HEMK2: variants seen among roughly 807,000 people sequenced by gnomAD.
HEMK2 encodes methyltransferase HEMK2.
At chr21:28,793,576 G>A in the HEMK2 span, among the ~76,000 whole-genome samples, 1 of 152,186 alleles carries the variant, frequency 6.6e-6, no homozygotes, top group Admixed American at 6.5e-5. Context: ...AATGACTAAT[G>A]ATAAAACCTT....
At chr21:28,798,506 GT>G in the HEMK2 span, among the ~76,000 whole-genome samples, 529 of 149,230 alleles carry the variant, frequency 3.5e-3, 5 homozygotes, top group African/African-American at 0.011. Context: ...AAGTAAGCCT[GT>G]TTTTTTTTTA....
the HEMK2 span, among the ~76,000 whole-genome samples, chr21:28,618,581 CTG>C: frequency 6.6e-6 from 1 of 152,274 alleles, no homozygotes; most frequent in African/African-American, 2.4e-5. Context: ...CCTCATTTAA[CTG>C]TATATTTTGG....
the HEMK2 span, among the ~76,000 whole-genome samples, chr21:28,632,045 G>A: frequency 6.6e-6 from 1 of 152,138 alleles, no homozygotes; most frequent in African/African-American, 2.4e-5. Context: ...CTACAAACCA[G>A]GACTAGTCAG....
the HEMK2 span, among the ~76,000 whole-genome samples, chr21:28,867,570 GA>G: frequency 6.6e-6 from 1 of 152,142 alleles, no homozygotes; most frequent in African/African-American, 2.4e-5. Flanking sequence ...ACTGTTGGCA[GA>G]AAAAAACAAG....
chr21:28,575,701 A>G, the HEMK2 span, among the ~76,000 whole-genome samples: 1 of 152,190 alleles, frequency 6.6e-6, no homozygotes, highest in East Asian at 1.9e-4. Flanking sequence ...ATATCCCCAC[A>G]TAACTACCAC....
the HEMK2 span, among the ~76,000 whole-genome samples, chr21:28,648,042 A>ACTGAATTTATT: frequency 2.1e-4 from 32 of 152,232 alleles, no homozygotes; most frequent in Non-Finnish European, 1.2e-4. Context: ...ACTAGTCAGA[A>ACTGAATTTATT]CTGAATTTAT....
chr21:28,767,984 T>G, the HEMK2 span, among the ~76,000 whole-genome samples: 1 of 151,930 alleles, frequency 6.6e-6, no homozygotes, highest in African/African-American at 2.4e-5. Context: ...CCAACGTGAT[T>G]GTTAGTTATT....
chr21:28,818,032 G>A, the HEMK2 span, among the ~76,000 whole-genome samples: 1 of 152,176 alleles, frequency 6.6e-6, no homozygotes, highest in Non-Finnish European at 1.5e-5. Flanking sequence ...AGCATGCAAA[G>A]TATTGTTCCT....
chr21:28,796,296 C>T, the HEMK2 span, among the ~76,000 whole-genome samples: 2 of 151,812 alleles, frequency 1.3e-5, no homozygotes, highest in Non-Finnish European at 2.9e-5. Context: ...CCTGCCACTA[C>T]GTCCGGCTAA....
At chr21:28,883,734 T>C in the HEMK2 span, among the ~76,000 whole-genome samples, 6 of 152,188 alleles carry the variant, frequency 3.9e-5, no homozygotes, top group Non-Finnish European at 7.3e-5. Flanking sequence ...TTGCTTCTTT[T>C]TTAGAGACAG....
chr21:28,806,036 T>C, the HEMK2 span, among the ~76,000 whole-genome samples: 4 of 152,340 alleles, frequency 2.6e-5, no homozygotes, highest in African/African-American at 9.6e-5. Context: ...TCCCATGGCA[T>C]AGTGTCTGTT....
the HEMK2 span, among the ~76,000 whole-genome samples, chr21:28,848,833 G>A: frequency 1.3e-5 from 2 of 152,156 alleles, no homozygotes; most frequent in African/African-American, 2.4e-5. Context: ...CACACATGGA[G>A]GCCAGCAGTC....
chr21:28,641,439 A>G, the HEMK2 span, among the ~76,000 whole-genome samples: 1 of 152,154 alleles, frequency 6.6e-6, no homozygotes, highest in East Asian at 1.9e-4. Context: ...AATGGGCTAT[A>G]TAATGGCTTA....
At chr21:28,865,231 T>C in the HEMK2 span, among the ~76,000 whole-genome samples, 1 of 152,176 alleles carries the variant, frequency 6.6e-6, no homozygotes, top group East Asian at 1.9e-4. Context: ...AGTGGCACAA[T>C]CTCCACTCAC....
chr21:28,672,546 G>A, the HEMK2 span, among the ~76,000 whole-genome samples: 6 of 152,126 alleles, frequency 3.9e-5, no homozygotes, highest in African/African-American at 9.7e-5. Context: ...TGGGGCCTGA[G>A]CTGAATTTCT....
chr21:28,783,752 A>C, the HEMK2 span, among the ~76,000 whole-genome samples: 1 of 152,128 alleles, frequency 6.6e-6, no homozygotes, highest in African/African-American at 2.4e-5. Context: ...GGGGAGGTGT[A>C]GAGGGAGCAG....
chr21:28,764,027 C>T, the HEMK2 span, among the ~76,000 whole-genome samples: 2 of 152,084 alleles, frequency 1.3e-5, no homozygotes, highest in East Asian at 3.9e-4. Context: ...AACCAAACCT[C>T]AGCTGTACAC....
chr21:28,877,291 AG>A, the HEMK2 span, among the ~76,000 whole-genome samples: 9 of 100,082 alleles, frequency 9.0e-5, no homozygotes, highest in African/African-American at 3.3e-4. Context: ...GAAGGAAGGA[AG>A]GAAGGAAGAG....
the HEMK2 span, among the ~76,000 whole-genome samples, chr21:28,801,005 G>A: frequency 5.9e-5 from 9 of 152,220 alleles, no homozygotes; most frequent in Non-Finnish European, 8.8e-5. Context: ...AACAGACAGA[G>A]GTTTACGGGT....
Sources: gnomAD v4.1 joint callset for allele counts (sites outside exome capture counted in the v4.1 genomes callset) on GRCh38, gnomAD v4.1.1 for gene constraint, MANE v1.5 for transcripts, NCBI Gene and HGNC (gene_info 2026-07-23, HGNC 2026-07-21) for gene names.